AFG1L: variants seen among roughly 807,000 people sequenced by gnomAD.
AFG1L encodes the protein AFG1 like ATPase.
AFG1L carries 53 observed loss-of-function variants against 62.2 expected under a neutral mutation model. The ratio of observed to expected loss-of-function variants is 0.85; its 90% CI spans 0.68 to 1.07. The LOEUF is 1.07. Among genes scored for constraint, AFG1L ranks in the 50% least tolerant of loss-of-function variants. AFG1L has a pLI of 0.00. For synonymous variants in AFG1L, 228 were observed against 210.3 expected, an observed-to-expected ratio of 1.08 and a Z score of -0.73; for missense variants, 555 against 590.5, an observed-to-expected ratio of 0.94 and a Z score of 0.62.
At chr6:108,436,198 G>A (rs1771298990) in intron 7 of AFG1L, among the ~76,000 whole-genome samples, 1 of 152,074 alleles carries the variant, frequency 6.6e-6, no homozygotes, top group African/African-American at 2.4e-5. Flanking sequence ...AGGCTGGAGT[G>A]CAGTGTCACA....
chr6:108,302,824 C>T (rs1168233123), intron 1 of AFG1L, among the ~76,000 whole-genome samples: 1 of 152,016 alleles, frequency 6.6e-6, no homozygotes, highest in South Asian at 2.1e-4. Flanking sequence ...TTAAGATACT[C>T]ACTAATAATT....
chr6:108,375,197 GA>G (rs1437148075), intron 6 of AFG1L, among the ~76,000 whole-genome samples: 2 of 152,142 alleles, frequency 1.3e-5, no homozygotes. Context: ...AAACTTTCCT[GA>G]AGTTATTTAT....
At chr6:108,507,910 G>C (rs1209482813) in intron 10 of AFG1L, among the ~76,000 whole-genome samples, 1 of 152,070 alleles carries the variant, frequency 6.6e-6, no homozygotes, top group East Asian at 1.9e-4. Flanking sequence ...GTGCACAAAG[G>C]CTGATTTAGG....
chr6:108,408,954 A>G (rs536443779), intron 7 of AFG1L, among the ~76,000 whole-genome samples: 32 of 150,242 alleles, frequency 2.1e-4, no homozygotes, highest in African/African-American at 7.7e-4. Flanking sequence ...TTTCTCTCAC[A>G]CATTTAGAGG....
chr6:108,346,124 G>A (rs1285551858), intron 2 of AFG1L, among the ~76,000 whole-genome samples: 2 of 152,148 alleles, frequency 1.3e-5, no homozygotes, highest in African/African-American at 4.8e-5. Context: ...TGAATCCTAA[G>A]AGGGGCTTCA....
At chr6:108,505,099 CT>C (rs796927224) in intron 10 of AFG1L, among the ~76,000 whole-genome samples, 5,545 of 134,366 alleles carry the variant, frequency 0.041, 276 homozygotes, top group African/African-American at 0.13. Flanking sequence ...TTTCTTTTTT[CT>C]TTTTTTTTTT....
chr6:108,326,440 C>G (rs901627656), intron 2 of AFG1L, among the ~76,000 whole-genome samples: 1 of 152,080 alleles, frequency 6.6e-6, no homozygotes, highest in African/African-American at 2.4e-5. Context: ...TGTTGAAATT[C>G]TATGACAACA....
intron 6 of AFG1L, among the ~76,000 whole-genome samples, chr6:108,379,000 CTTTTTTTT>C (rs931030207): frequency 0.05 from 6,106 of 123,034 alleles, 181 homozygotes; most frequent in Non-Finnish European, 0.071. Context: ...TCTCCTTCTT[CTTTTTTTT>C]TTTTTTTTTT....
At chr6:108,411,192 AG>A (rs1207281810) in intron 7 of AFG1L, among the ~76,000 whole-genome samples, 1 of 152,124 alleles carries the variant, frequency 6.6e-6, no homozygotes, top group Non-Finnish European at 1.5e-5. Flanking sequence ...TTGAACTGCA[AG>A]GTGGCAGCGA....
intron 2 of AFG1L, among the ~76,000 whole-genome samples, chr6:108,345,187 T>A (rs1778818836): frequency 6.6e-6 from 1 of 152,198 alleles, no homozygotes; most frequent in Non-Finnish European, 1.5e-5. Flanking sequence ...TGTCTTGCAT[T>A]GTTGCCCAGG....
At chr6:108,437,668 G>A (rs1264896721) in intron 7 of AFG1L, among the ~76,000 whole-genome samples, 2 of 152,016 alleles carry the variant, frequency 1.3e-5, no homozygotes, top group African/African-American at 2.4e-5. Flanking sequence ...ACATGGTCTT[G>A]GACTAAATAC....
rs2114789508 is a variant in AFG1L, at chr6:108,466,144, G to A, written c.891-10721G>A. 2.0e-5 allele frequency among the ~76,000 whole-genome samples: 3 copies of A among 152,258 alleles called. 1 individual carries two copies. In the Middle Eastern group the frequency reaches 0.01, roughly 518 times the overall value. On this transcript the variant is annotated intron_variant, in intron 8 of 12. Coordinates refer to ENST00000368977, the MANE Select transcript of AFG1L (RefSeq NM_145315.5). ...CCATAATCACTAAAATGGAAGAGAT[G>A]GAAAATGCCAAGTATTGGCAAGGAT... is the stretch of plus-strand genomic sequence containing the variant.
chr6:108,443,127 G>T (rs1328647773), intron 7 of AFG1L, among the ~76,000 whole-genome samples: 1 of 152,128 alleles, frequency 6.6e-6, no homozygotes, highest in Non-Finnish European at 1.5e-5. Context: ...TTCTCTCCTG[G>T]TTTCTGTAGG....
intron 10 of AFG1L, among the ~76,000 whole-genome samples, chr6:108,480,671 A>T (rs941719831): frequency 6.6e-6 from 1 of 152,104 alleles, no homozygotes; most frequent in Non-Finnish European, 1.5e-5. Flanking sequence ...GGTGGCAAGC[A>T]TCTGTAATCC....
intron 7 of AFG1L, among the ~76,000 whole-genome samples, chr6:108,413,194 A>C (rs1782197654): frequency 6.6e-6 from 1 of 152,252 alleles, no homozygotes; most frequent in Non-Finnish European, 1.5e-5. Flanking sequence ...TGGTAAAGGG[A>C]TCAATTCAAA....
intron 1 of AFG1L, among the ~76,000 whole-genome samples, chr6:108,307,222 C>T (rs1232651200): frequency 6.6e-6 from 1 of 151,682 alleles, no homozygotes; most frequent in Non-Finnish European, 1.5e-5. Flanking sequence ...CAATGTTGGC[C>T]AGGCTGGTCT....
intron 6 of AFG1L, among the ~76,000 whole-genome samples, chr6:108,371,903 T>C (rs939892183): frequency 1.3e-5 from 2 of 151,478 alleles, no homozygotes; most frequent in Non-Finnish European, 2.9e-5. Context: ...ACTACAGGCA[T>C]GTACCACTGT....
chr6:108,503,356 A>G (rs776394292), intron 10 of AFG1L, among the ~76,000 whole-genome samples: 51 of 152,210 alleles, frequency 3.4e-4, no homozygotes, highest in Non-Finnish European at 7.2e-4. Flanking sequence ...TTCTTGATCC[A>G]TGGGCTGCAG....
chr6:108,440,415 T>A (rs774779881), intron 7 of AFG1L, among the ~76,000 whole-genome samples: 7 of 152,096 alleles, frequency 4.6e-5, no homozygotes, highest in Non-Finnish European at 1.0e-4. Flanking sequence ...GTGATCTGCC[T>A]GTCTCAGCCT....
Sources: allele counts gnomAD v4.1 joint callset (sites outside exome capture counted in the v4.1 genomes callset), GRCh38; gene constraint gnomAD v4.1.1; transcripts MANE v1.5; gene names NCBI Gene and HGNC (gene_info 2026-07-23, HGNC 2026-07-21).